Variants in CHRM3 observed in about 807,000 individuals in gnomAD.
CHRM3 encodes the protein cholinergic receptor muscarinic 3, also known as muscarinic acetylcholine receptor M3.
A neutral mutation model predicts 41.8 loss-of-function variants in CHRM3; 11 were observed. That is an observed-to-expected ratio of 0.26 (90% CI 0.17 to 0.44). The LOEUF is 0.44. CHRM3 is among the 20% of genes least tolerant of loss of function. CHRM3 has a pLI of 1.00. For synonymous variants in CHRM3, 297 were observed against 301.4 expected (o/e 0.99, Z 0.15); for missense variants, 571 against 745.4 (o/e 0.77, Z 2.72).
intron 3 of CHRM3, among the ~76,000 whole-genome samples, chr1:239,612,320 T>G (rs948961356): frequency 2.6e-5 from 4 of 152,234 alleles, no homozygotes; most frequent in African/African-American, 9.6e-5. Flanking sequence ...TTAGGTATTT[T>G]TATTAACTGC....
chr1:239,804,532 G>A (rs548808354), intron 5 of CHRM3, among the ~76,000 whole-genome samples: 5 of 152,284 alleles, frequency 3.3e-5, no homozygotes, highest in African/African-American at 4.8e-5. Context: ...TGCCAGTGAC[G>A]TCTTCACTTG....
At chr1:239,412,240 CT>C (rs535672964) in intron 1 of CHRM3, among the ~76,000 whole-genome samples, 20 of 114,688 alleles carry the variant, frequency 1.7e-4, no homozygotes, top group South Asian at 3.2e-4. Context: ...CTTTCTTTTT[CT>C]TTTTTTTTTG....
rs558913976 is a variant in CHRM3, at chr1:239,544,275, C to T, written c.-421-1366C>T. Among the ~76,000 whole-genome samples, 127 of 152,284 alleles carry T rather than the reference C, an allele frequency of 8.3e-4. 1 individual carries two copies. Among genetic ancestry groups the T allele is most frequent in the Admixed American group, 1.9e-3 (29 of 15,300 alleles). ...TATAGACTTTGACTTCAGTTTTCTC[C>T]TCTATTCGTGCCATCCTTCCCCCTG... On this transcript the variant is annotated intron_variant, in intron 2 of 6. Transcript: ENST00000676153.
At chr1:239,797,433 AG>A (rs1366188751) in intron 5 of CHRM3, among the ~76,000 whole-genome samples, 1 of 151,984 alleles carries the variant, frequency 6.6e-6, no homozygotes, top group East Asian at 1.9e-4. Context: ...GTAAGACAAA[AG>A]GTCTGAAATG....
intron 3 of CHRM3, among the ~76,000 whole-genome samples, chr1:239,630,161 T>C (rs375542435): frequency 2.0e-5 from 3 of 152,232 alleles, no homozygotes; most frequent in African/African-American, 4.8e-5. Flanking sequence ...GTGAACAAGA[T>C]ATTGATATTA....
chr1:239,476,109 G>T (rs1417510218), intron 1 of CHRM3, among the ~76,000 whole-genome samples: 1 of 152,014 alleles, frequency 6.6e-6, no homozygotes, highest in African/African-American at 2.4e-5. Flanking sequence ...AACTATCAGT[G>T]GAAATTATTT....
intron 4 of CHRM3, among the ~76,000 whole-genome samples, chr1:239,638,007 G>T (rs1670676856): frequency 6.8e-6 from 1 of 147,296 alleles, no homozygotes; most frequent in Admixed American, 7.0e-5. Flanking sequence ...GTGAGAACGT[G>T]CAGTGTTTGG....
chr1:239,393,888 A>G (rs555116289), intron 1 of CHRM3, among the ~76,000 whole-genome samples: 1 of 152,352 alleles, frequency 6.6e-6, no homozygotes, highest in South Asian at 2.1e-4. Flanking sequence ...ATGTTTGAGT[A>G]GAATGAGTAA....
intron 5 of CHRM3, among the ~76,000 whole-genome samples, chr1:239,757,074 T>C (rs1438987089): frequency 1.3e-5 from 2 of 152,182 alleles, no homozygotes; most frequent in African/African-American, 2.4e-5. Context: ...AAAATTACCA[T>C]TTTTCTCTCA....
Position 239,532,875 on chromosome 1 carries a change from A to G in CHRM3, c.-421-12766A>G, listed in dbSNP as rs569337479. On this transcript the variant is annotated intron_variant, in intron 2 of 6. Coordinates refer to ENST00000676153, the MANE Select transcript of CHRM3 (RefSeq NM_001375978.1). The stretch of plus-strand genomic sequence containing the variant: ...AGCAGATTCAGCTAAAATATTATCT[A>G]TGTCTTTAAGTGCTTTTCACTAATT... Among the ~76,000 whole-genome samples the G allele has an allele frequency of 6.7e-4, 102 of 152,276 alleles. 1 individual carries two copies. Among genetic ancestry groups the G allele is most frequent in the African/African-American group, 2.4e-3 (99 of 41,564 alleles).
intron 5 of CHRM3, among the ~76,000 whole-genome samples, chr1:239,734,828 G>A (rs1285671107): frequency 3.3e-5 from 5 of 152,128 alleles, no homozygotes; most frequent in Non-Finnish European, 5.9e-5. Flanking sequence ...AGAGAAGTAG[G>A]TGGGAACTTA....
At chr1:239,618,277 C>CT (rs61094722) in intron 3 of CHRM3, among the ~76,000 whole-genome samples, 4,562 of 120,558 alleles carry the variant, frequency 0.038, 142 homozygotes, top group Admixed American at 0.057. Context: ...TTTTTTCTTT[C>CT]TTTTTTTTTT....
At chr1:239,435,195 T>C (rs1160388662) in intron 1 of CHRM3, among the ~76,000 whole-genome samples, 1 of 139,050 alleles carries the variant, frequency 7.2e-6, no homozygotes, top group East Asian at 2.0e-4. Context: ...CTCACGCCTG[T>C]AATCCCAGCA....
intron 4 of CHRM3, among the ~76,000 whole-genome samples, chr1:239,638,298 A>T (rs1454131433): frequency 1.3e-5 from 2 of 151,840 alleles, no homozygotes; most frequent in African/African-American, 4.8e-5. Context: ...TGGCTGGGTC[A>T]AATGGTATTT....
intron 6 of CHRM3, among the ~76,000 whole-genome samples, chr1:239,841,323 G>A (rs1050887095): frequency 6.6e-6 from 1 of 152,154 alleles, no homozygotes; most frequent in African/African-American, 2.4e-5. Context: ...CTCTGGAGAT[G>A]AATTTAAAAG....
At chr1:239,417,455 G>A (rs972474075) in intron 1 of CHRM3, among the ~76,000 whole-genome samples, 1 of 151,998 alleles carries the variant, frequency 6.6e-6, no homozygotes, top group African/African-American at 2.4e-5. Context: ...GCTGAGGAAC[G>A]GTTAACTTCG....
intron 1 of CHRM3, among the ~76,000 whole-genome samples, chr1:239,417,066 A>G (rs1661556025): frequency 6.6e-6 from 1 of 152,200 alleles, no homozygotes; most frequent in South Asian, 2.1e-4. Context: ...GCCACTGAAC[A>G]ACAGACTGAG....
intron 5 of CHRM3, among the ~76,000 whole-genome samples, chr1:239,697,756 A>G (rs1660331081): frequency 6.6e-6 from 1 of 152,208 alleles, no homozygotes; most frequent in South Asian, 2.1e-4. Flanking sequence ...TGCTTAGGGT[A>G]GAGTTACAGT....
chr1:239,630,027 A>C (rs900061095), intron 3 of CHRM3, among the ~76,000 whole-genome samples: 3 of 152,232 alleles, frequency 2.0e-5, no homozygotes, highest in African/African-American at 4.8e-5. Flanking sequence ...ATCTGCAGCT[A>C]GGATGAAAGC....
Sources: gnomAD v4.1 joint callset for allele counts (sites outside exome capture counted in the v4.1 genomes callset) on GRCh38, gnomAD v4.1.1 for gene constraint, MANE v1.5 for transcripts, NCBI Gene and HGNC (gene_info 2026-07-23, HGNC 2026-07-21) for gene names.